FAT4: variants seen among roughly 807,000 people sequenced by gnomAD.
FAT4 encodes the protein protocadherin Fat 4.
In FAT4, 84 loss-of-function variants were observed where a neutral mutation model predicts 303.9. The observed-to-expected ratio is 0.28, with a 90% CI of 0.23 to 0.33. The LOEUF (loss-of-function observed/expected upper bound fraction) is 0.33, where lower values mean the gene tolerates loss of function less well. Among genes scored for constraint, FAT4 ranks in the 10% least tolerant of loss-of-function variants. The pLI, the probability that FAT4 is intolerant of heterozygous loss-of-function variation, is 1.00. For synonymous variants in FAT4, 2,307 were observed against 2,298.8 expected, an observed-to-expected ratio of 1.00 and a Z score of -0.10; for missense variants, 6,005 against 6,146.8, an observed-to-expected ratio of 0.98 and a Z score of 0.77.
intron 2 of FAT4, among the ~76,000 whole-genome samples, chr4:125,351,979 G>C (rs1428988127): frequency 6.6e-6 from 1 of 151,642 alleles, no homozygotes; most frequent in African/African-American, 2.4e-5. Flanking sequence ...GATGCTACCT[G>C]TTGAAGCATT....
rs775968716 is a variant in FAT4, at chr4:125,337,448, C to T, written c.5175+15862C>T. Among the ~76,000 whole-genome samples, 16 of 152,088 alleles carry T rather than the reference C, an allele frequency of 1.1e-4. No homozygotes were observed. The South Asian group carries it at 1.5e-3, about 14-fold the overall frequency. On this transcript the variant is annotated intron_variant, in intron 2 of 17. Coordinates refer to ENST00000394329, the MANE Select transcript of FAT4 (RefSeq NM_001291303.3). ...TAAATTAACTTTGAAAGGCACATTT[C>T]GATCACTGATATACCTAAACTTGCC...
intron 2 of FAT4, among the ~76,000 whole-genome samples, chr4:125,361,777 C>A (rs905625543): frequency 3.3e-5 from 5 of 152,124 alleles, no homozygotes; most frequent in Non-Finnish European, 7.3e-5. Context: ...TGCAACCGTT[C>A]TGACCCGCTT....
At chr4:125,436,414 G>T (rs1725454085) in intron 8 of FAT4, among the ~76,000 whole-genome samples, 1 of 152,156 alleles carries the variant, frequency 6.6e-6, no homozygotes, top group Admixed American at 6.5e-5. Context: ...CAGTTAGGAA[G>T]CTGGAGATAT....
chr4:125,360,113 G>C (rs1341066164), intron 2 of FAT4, among the ~76,000 whole-genome samples: 1 of 151,908 alleles, frequency 6.6e-6, no homozygotes, highest in Non-Finnish European at 1.5e-5. Flanking sequence ...GTTCTTTTCT[G>C]TTAATCTATT....
chr4:125,412,287 A>G (rs981491260), intron 5 of FAT4, among the ~76,000 whole-genome samples: 3 of 151,860 alleles, frequency 2.0e-5, no homozygotes, highest in African/African-American at 7.2e-5. Flanking sequence ...TCTTTACAGT[A>G]AAGTAAATGC....
chr4:125,491,298 A>G lies in FAT4; in HGVS notation c.14482A>G (p.Thr4828Ala). 4 of 1,614,178 alleles carry G rather than the reference A, an allele frequency of 2.5e-6. No homozygotes were observed. Among genetic ancestry groups the G allele is most frequent in the Non-Finnish European group, 3.4e-6 (4 of 1,180,028 alleles). Reference sequence around the variant, plus strand: ...GGACTGCAGAAGGCCACTGTCTAGAACAAGGAATCCAGCGGATGGCATTCC... The same window carrying G: ...GGACTGCAGAAGGCCACTGTCTAGAGCAAGGAATCCAGCGGATGGCATTCC... ...EEDCRRPLSR[T>A]RNPADGIPAP... Residue 4828 changes from threonine (T) to alanine (A), a missense_variant, in exon 18 of 18, where the codon ACA becomes GCA. Coordinates refer to ENST00000394329, the MANE Select transcript of FAT4 (RefSeq NM_001291303.3).
At chr4:125,427,094 A>C (rs1205879168) in intron 7 of FAT4, among the ~76,000 whole-genome samples, 1 of 151,840 alleles carries the variant, frequency 6.6e-6, no homozygotes, top group Non-Finnish European at 1.5e-5. Context: ...ACTGTGTTGA[A>C]ATTTTTGGGT....
At chr4:125,367,804 T>C (rs1315552094) in intron 2 of FAT4, among the ~76,000 whole-genome samples, 1 of 152,168 alleles carries the variant, frequency 6.6e-6, no homozygotes. Context: ...AAGAAAGTAC[T>C]GCAAAATAGT....
intron 2 of FAT4, among the ~76,000 whole-genome samples, chr4:125,398,296 G>A (rs1484893347): frequency 2.0e-5 from 3 of 152,094 alleles, no homozygotes; most frequent in Non-Finnish European, 4.4e-5. Flanking sequence ...GGTTGAGCGT[G>A]GACTTTAAAG....
rs751996990 is a variant in FAT4 at position 125,476,167 on chromosome 4, G to A, written c.12214-4G>A. 5.9e-5 allele frequency: 93 copies of A among 1,579,690 alleles called. No individual in the cohort carries two copies. The highest frequency in any genetic ancestry group is 7.4e-5 in the Non-Finnish European group (86 of 1,155,260). On this transcript the variant is annotated splice_polypyrimidine_tract_variant and splice_region_variant and intron_variant, in intron 12 of 17. Coordinates refer to ENST00000394329, the MANE Select transcript of FAT4 (RefSeq NM_001291303.3). Reference sequence around the variant, plus strand: ...GTTGAATGTTTCTTTCTCTTGCTTCGTAGGCAGCCTCCTTAACTGTGGACT... The same window carrying A: ...GTTGAATGTTTCTTTCTCTTGCTTCATAGGCAGCCTCCTTAACTGTGGACT...
intron 3 of FAT4, among the ~76,000 whole-genome samples, chr4:125,405,289 A>AT (rs1734550897): frequency 2.0e-5 from 3 of 151,930 alleles, no homozygotes; most frequent in Non-Finnish European, 4.4e-5. Flanking sequence ...TCTATTTGTT[A>AT]TTTTTTTGAG....
chr4:125,320,063 A>G lies in FAT4; in HGVS notation c.3652A>G (p.Thr1218Ala). 1 of 1,613,858 alleles carries G rather than the reference A, an allele frequency of 6.2e-7. No individual in the cohort carries two copies. Among genetic ancestry groups the G allele is most frequent in the Admixed American group, 1.7e-5 (1 of 60,034 alleles). Residue 1218 changes from threonine to alanine, a missense_variant, in exon 2 of 18, where the codon ACA becomes GCA. Transcript: ENST00000394329. ...ATTTTTAAAAGACTTTTACCAAGCT[A>G]CAATATCAGAATCAGCAGCCAATCT... ...PKFLKDFYQA[T>A]ISESAANLTQ...
intron 10 of FAT4, among the ~76,000 whole-genome samples, chr4:125,455,949 G>A (rs1244453365): frequency 1.3e-5 from 2 of 152,154 alleles, no homozygotes; most frequent in African/African-American, 2.4e-5. Flanking sequence ...ACCAATGGGC[G>A]CAGCAATAAA....
In FAT4 at chr4:125,449,616, A is replaced by G. The variant is rs1725970683; in HGVS notation, c.8606A>G (p.Asp2869Gly). The change falls in exon 10 of 18, where the codon GAC (aspartate) becomes GGC (glycine). Residue 2869 changes from aspartate to glycine, a missense_variant. Asp to Gly is a moderately conservative substitution (Grantham distance 94). Coordinates refer to ENST00000394329, the MANE Select transcript of FAT4 (RefSeq NM_001291303.3). ...DVTIFVTDINDNAPRFSRTSY... is the reference protein window; with the variant it reads ...DVTIFVTDINGNAPRFSRTSY... ...ACAATATTTGTGACAGACATCAATG[A>G]CAATGCTCCAAGATTTAGCAGAACT... The G allele has an allele frequency of 1.9e-6, 3 of 1,613,824 alleles. No homozygotes were observed. Among genetic ancestry groups the G allele is most frequent in the Non-Finnish European group, 2.5e-6 (3 of 1,179,936 alleles).
chr4:125,318,662 C>T lies in FAT4; in HGVS notation c.2251C>T (p.Leu751=). Residue 751 remains leucine (L), a synonymous_variant, in exon 2 of 18, where the codon CTA becomes TTA. Transcript: ENST00000394329. ...TGGGGTTATTTCTACAAGAATGGCCCTAGACAGAGAAGAAAAAACAGCTTA... is the reference window on the plus strand; with the variant it reads ...TGGGGTTATTTCTACAAGAATGGCCTTAGACAGAGAAGAAAAAACAGCTTA... ...QSGVISTRMA[L]DREEKTAYQL... 6.2e-7 allele frequency: 1 copy of T among 1,613,962 alleles called. No homozygotes were observed. Among genetic ancestry groups the T allele is most frequent in the Non-Finnish European group, 8.5e-7 (1 of 1,179,996 alleles).
In FAT4 at chr4:125,490,670, G is replaced by A. The variant is rs756775104; in HGVS notation, c.13854G>A (p.Glu4618=). ...CCCCTTTGGCATCTCCAGAGCAGGAGATAGAGCACTATGACATTGACAACG... is the reference window on the plus strand; with the variant it reads ...CCCCTTTGGCATCTCCAGAGCAGGAAATAGAGCACTATGACATTGACAACG... The part of the protein sequence containing the change: ...PSAPLASPEQ[E]IEHYDIDNAS... The change falls in exon 18 of 18, where the codon GAG becomes GAA. Residue 4618 remains glutamate (E), a synonymous_variant. Transcript: ENST00000394329. The A allele has an allele frequency of 2.5e-6, 4 of 1,614,136 alleles. No individual in the cohort carries two copies. The highest frequency in any genetic ancestry group is 3.4e-6 in the Non-Finnish European group (4 of 1,180,030).
chr4:125,317,774 C>A lies in FAT4; in HGVS notation c.1363C>A (p.Arg455Ser). 1 of 1,614,176 alleles carries A rather than the reference C, an allele frequency of 6.2e-7. No homozygotes were observed. The highest frequency in any genetic ancestry group is 8.5e-7 in the Non-Finnish European group (1 of 1,180,036). The change falls in exon 2 of 18, where the codon CGC becomes AGC. Residue 455 changes from arginine (R) to serine (S), a missense_variant. Physicochemically the swap from Arg to Ser is moderately radical, Grantham distance 110. Transcript: ENST00000394329. This position sits in a 1 kb window ranked among gnomAD's most constrained non-coding sequence, Gnocchi z 7.0. Reference protein sequence around the residue: ...GAPPGAAVQARSSVASLVIFV... With the variant: ...GAPPGAAVQASSSVASLVIFV... ...GCCCCCTGGCGCAGCAGTCCAGGCG[C>A]GCTCTTCTGTGGCAAGCCTGGTGAT... is the stretch of plus-strand genomic sequence containing the variant.
At chr4:125,371,937 G>A (rs1733129655) in intron 2 of FAT4, among the ~76,000 whole-genome samples, 1 of 152,052 alleles carries the variant, frequency 6.6e-6, no homozygotes, top group African/African-American at 2.4e-5. Context: ...CATACTCATT[G>A]TTGGCTAGCG....
chr4:125,364,199 C>A (rs1248958554), intron 2 of FAT4, among the ~76,000 whole-genome samples: 1 of 152,020 alleles, frequency 6.6e-6, no homozygotes, highest in Non-Finnish European at 1.5e-5. Flanking sequence ...CTCTTTCATC[C>A]TCCCTCTTGC....
Sources: gnomAD v4.1 joint callset for allele counts (sites outside exome capture counted in the v4.1 genomes callset) on GRCh38, gnomAD v4.1.1 for gene constraint, Gnocchi (gnomAD v3.1) non-coding constraint, MANE v1.5 for transcripts, NCBI Gene and HGNC (gene_info 2026-07-23, HGNC 2026-07-21) for gene names.